STPG4: variants seen among roughly 807,000 people sequenced by gnomAD.
STPG4 encodes the protein protein STPG4.
In STPG4, 41 loss-of-function variants were observed where a neutral mutation model predicts 31.5. The ratio of observed to expected loss-of-function variants is 1.30; its 90% CI spans 1.01 to 1.69. The LOEUF (loss-of-function observed/expected upper bound fraction) is 1.69. Ranked by LOEUF, STPG4 falls within the 40% of genes most tolerant of loss-of-function variation. STPG4 has a pLI of 0.00. For synonymous variants in STPG4, 141 were observed against 103.0 expected (o/e 1.37, Z -2.24); for missense variants, 375 against 293.4 (o/e 1.28, Z -2.03).
chr2:47,140,830 C>T (rs1686686031), intron 3 of STPG4, among the ~76,000 whole-genome samples: 1 of 151,984 alleles, frequency 6.6e-6, no homozygotes, highest in Non-Finnish European at 1.5e-5. Flanking sequence ...CCTTTAGAAT[C>T]CCTATTAGAA....
At chr2:47,148,345 T>C (rs1686868616) in intron 3 of STPG4, among the ~76,000 whole-genome samples, 1 of 151,926 alleles carries the variant, frequency 6.6e-6, no homozygotes, top group South Asian at 2.1e-4. Context: ...ACTTGGGTGA[T>C]GGGATCAATC....
intron 6 of STPG4, among the ~76,000 whole-genome samples, chr2:47,089,675 T>C (rs906414877): frequency 6.6e-6 from 1 of 152,048 alleles, no homozygotes; most frequent in Non-Finnish European, 1.5e-5. Flanking sequence ...AATCCACTGT[T>C]GGTAAACTTC....
At chr2:47,143,864 T>C (rs1686765655) in intron 3 of STPG4, among the ~76,000 whole-genome samples, 1 of 152,200 alleles carries the variant, frequency 6.6e-6, no homozygotes, top group Admixed American at 6.5e-5. Context: ...CACCATTTGA[T>C]ACAGGTGATA....
chr2:47,117,566 T>C (rs1290004067), intron 5 of STPG4, among the ~76,000 whole-genome samples: 1 of 152,126 alleles, frequency 6.6e-6, no homozygotes, highest in Non-Finnish European at 1.5e-5. Context: ...ATGTTTCAAG[T>C]TCCCACATTA....
rs577366689 is a variant in STPG4, at chr2:47,104,934, G to A, written c.520-14560C>T. ...TACTGGCTTATCCTTGCCCTAAGACGTTAAAACAGTTGAGGGGGTTCCTTG... is the reference window on the plus strand; with the variant it reads ...TACTGGCTTATCCTTGCCCTAAGACATTAAAACAGTTGAGGGGGTTCCTTG... On this transcript the variant is annotated intron_variant, in intron 5 of 6. Coordinates refer to ENST00000445927, the MANE Select transcript of STPG4 (RefSeq NM_001163561.2). 1.2e-3 allele frequency among the ~76,000 whole-genome samples: 183 copies of A among 152,022 alleles called. 2 individuals are homozygous for A. The highest frequency in any genetic ancestry group is 6.7e-3 in the South Asian group (32 of 4,802).
chr2:47,099,314 C>A (rs904027395), intron 5 of STPG4, among the ~76,000 whole-genome samples: 6 of 152,224 alleles, frequency 3.9e-5, no homozygotes, highest in Non-Finnish European at 8.8e-5. Flanking sequence ...ACAGGGCTGG[C>A]AACTGCCCTG....
chr2:47,137,603 C>A (rs1406264495), intron 3 of STPG4, among the ~76,000 whole-genome samples: 1 of 152,176 alleles, frequency 6.6e-6, no homozygotes, highest in African/African-American at 2.4e-5. Flanking sequence ...GTGAACGCAT[C>A]TGGGCCTAGC....
At position 47,128,582 on chromosome 2, in the gene STPG4, G is replaced by A. The variant is rs941792456; in HGVS notation, c.519+1359C>T. Among the ~76,000 whole-genome samples the A allele has an allele frequency of 6.6e-5, 10 of 152,174 alleles. No homozygotes were observed. The South Asian group carries it at 8.3e-4, about 13-fold the overall frequency. On this transcript the variant is annotated intron_variant, in intron 5 of 6. Coordinates refer to ENST00000445927, the MANE Select transcript of STPG4 (RefSeq NM_001163561.2). ...AGAAAGAATCTCTCTATGCCACTCA[G>A]GCCTGTAGCAAGTACTGCCTGGATA...
At chr2:47,149,737 ACT>A (rs1176160626) in intron 3 of STPG4, among the ~76,000 whole-genome samples, 1 of 152,232 alleles carries the variant, frequency 6.6e-6, no homozygotes, top group Middle Eastern at 3.2e-3. Flanking sequence ...GAAGATTGAT[ACT>A]GTTATTAGCT....
intron 3 of STPG4, among the ~76,000 whole-genome samples, chr2:47,140,520 A>G (rs1480555818): frequency 6.6e-6 from 1 of 152,178 alleles, no homozygotes; most frequent in African/African-American, 2.4e-5. Context: ...TACCCCAGCC[A>G]TGGTTCCTGC....
At chr2:47,087,780 G>A (rs923339715) in intron 6 of STPG4, among the ~76,000 whole-genome samples, 41 of 151,892 alleles carry the variant, frequency 2.7e-4, no homozygotes, top group Non-Finnish European at 4.4e-4. Context: ...ACAGAGTCTC[G>A]CCCTGTTGCT....
intron 3 of STPG4, among the ~76,000 whole-genome samples, chr2:47,150,977 T>C (rs1686923313): frequency 6.6e-6 from 1 of 151,888 alleles, no homozygotes; most frequent in Admixed American, 6.6e-5. Context: ...ACAGATAAGA[T>C]CCCAGGTGCT....
chr2:47,104,301 A>C (rs1685858246), intron 5 of STPG4, among the ~76,000 whole-genome samples: 1 of 152,018 alleles, frequency 6.6e-6, no homozygotes, highest in Non-Finnish European at 1.5e-5. Flanking sequence ...ATACTGTTAA[A>C]CATTTGAAAG....
At chr2:47,151,019 C>T (rs1686924057) in intron 3 of STPG4, among the ~76,000 whole-genome samples, 1 of 151,928 alleles carries the variant, frequency 6.6e-6, no homozygotes, top group Admixed American at 6.6e-5. Context: ...CCAAGAGTTG[C>T]CCAAGAGGAA....
intron 3 of STPG4, among the ~76,000 whole-genome samples, chr2:47,149,686 A>G (rs1168912092): frequency 6.6e-6 from 1 of 152,232 alleles, no homozygotes; most frequent in Non-Finnish European, 1.5e-5. Flanking sequence ...GCTGCAATAC[A>G]TTTCTCTCAG....
At chr2:47,117,327 A>G (rs1362559234) in intron 5 of STPG4, among the ~76,000 whole-genome samples, 2 of 151,968 alleles carry the variant, frequency 1.3e-5, no homozygotes, top group Admixed American at 1.3e-4. Flanking sequence ...CTCCTGCCTC[A>G]CCCTCCCGAG....
chr2:47,096,987 G>C (rs921894016), intron 5 of STPG4, among the ~76,000 whole-genome samples: 8 of 152,148 alleles, frequency 5.3e-5, no homozygotes, highest in African/African-American at 1.9e-4. Flanking sequence ...CAAGTGATAT[G>C]AGGAAGCTCC....
intron 5 of STPG4, among the ~76,000 whole-genome samples, chr2:47,119,638 T>C (rs898444074): frequency 1.3e-5 from 2 of 151,702 alleles, no homozygotes; most frequent in Non-Finnish European, 2.9e-5. Flanking sequence ...AACACATGCA[T>C]TTATCTCCAT....
intron 3 of STPG4, among the ~76,000 whole-genome samples, chr2:47,147,015 T>C (rs575993415): frequency 2.6e-5 from 4 of 152,060 alleles, no homozygotes; most frequent in Non-Finnish European, 5.9e-5. Context: ...TGGTGCGTGC[T>C]TATAGTCCCA....
Sources: allele counts gnomAD v4.1 joint callset (sites outside exome capture counted in the v4.1 genomes callset), GRCh38; gene constraint gnomAD v4.1.1; transcripts MANE v1.5; gene names NCBI Gene and HGNC (gene_info 2026-07-23, HGNC 2026-07-21).